EEF1AKMT2: variants seen among roughly 807,000 people sequenced by gnomAD.
The protein encoded by EEF1AKMT2 is eukaryotic translation elongation factor 1 alpha lysine methyltransferase 2.
In EEF1AKMT2, 32 loss-of-function variants were observed where a neutral mutation model predicts 35.8. That is an observed-to-expected ratio of 0.89 (90% CI 0.67 to 1.20). The LOEUF is 1.20. EEF1AKMT2 is among the 50% of genes most tolerant of loss of function. The pLI is 0.00. For synonymous variants in EEF1AKMT2, 121 were observed against 133.7 expected (o/e 0.91, Z 0.65); for missense variants, 330 against 347.5 (o/e 0.95, Z 0.40).
intron 3 of EEF1AKMT2, among the ~76,000 whole-genome samples, chr10:124,782,538 C>T (rs1157350990): frequency 2.1e-5 from 3 of 145,528 alleles, no homozygotes; most frequent in African/African-American, 7.7e-5. Context: ...GCCGAGATCG[C>T]GCCACTGCAC....
At chr10:124,786,135 T>C (rs1950582155) in intron 3 of EEF1AKMT2, among the ~76,000 whole-genome samples, 1 of 152,098 alleles carries the variant, frequency 6.6e-6, no homozygotes, top group Admixed American at 6.6e-5. Context: ...TCTTATTTTT[T>C]GGTCAGGTTG....
At chr10:124,790,075 C>A (rs1184767234) in intron 2 of EEF1AKMT2, among the ~76,000 whole-genome samples, 198 bp downstream of exon 2, 4 of 151,510 alleles carry the variant, frequency 2.6e-5, no homozygotes, top group Non-Finnish European at 5.9e-5. Flanking sequence ...GTCTAATTTT[C>A]GTAGAGACAG....
chr10:124,777,241 T>A (rs1950494957), intron 3 of EEF1AKMT2, among the ~76,000 whole-genome samples: 1 of 147,262 alleles, frequency 6.8e-6, no homozygotes, highest in African/African-American at 2.5e-5. Flanking sequence ...ATCGCGCCAT[T>A]GCACTCCAGC....
At chr10:124,776,493 G>C (rs1478764480) in intron 3 of EEF1AKMT2, among the ~76,000 whole-genome samples, 1 of 152,160 alleles carries the variant, frequency 6.6e-6, no homozygotes, top group Non-Finnish European at 1.5e-5. Flanking sequence ...AACCACAACA[G>C]AGAAACAAAC....
chr10:124,768,462 A>T (rs1032373977), intron 4 of EEF1AKMT2, among the ~76,000 whole-genome samples: 1 of 152,048 alleles, frequency 6.6e-6, no homozygotes, highest in Non-Finnish European at 1.5e-5. Flanking sequence ...TACAAAAATT[A>T]GGCCGGGCGC....
At chr10:124,785,329 A>G (rs1193216483) in intron 3 of EEF1AKMT2, among the ~76,000 whole-genome samples, 1 of 151,826 alleles carries the variant, frequency 6.6e-6, no homozygotes, top group Admixed American at 6.6e-5. Flanking sequence ...GTTCTAAGTG[A>G]CCCTGTGTTA....
At chr10:124,786,460 C>A (rs536842255) in intron 3 of EEF1AKMT2, among the ~76,000 whole-genome samples, 1 of 150,326 alleles carries the variant, frequency 6.7e-6, no homozygotes, top group Non-Finnish European at 1.5e-5. Flanking sequence ...GAGCCGAGAT[C>A]GCCCCACTGC....
chr10:124,783,228 C>G (rs1011186487), intron 3 of EEF1AKMT2, among the ~76,000 whole-genome samples: 2 of 150,102 alleles, frequency 1.3e-5, no homozygotes, highest in Non-Finnish European at 3.0e-5. Flanking sequence ...GCAACCTCCA[C>G]CTCCCAGGTT....
chr10:124,788,712 A>ATATATATATATATATATATATATATG lies in EEF1AKMT2; in HGVS notation c.291+330_291+331insCATATATATATATATATATATATATA, dbSNP rs1564911227. 4.5e-5 allele frequency among the ~76,000 whole-genome samples: 4 copies of ATATATATATATATATATATATATATG among 89,386 alleles called. No individual in the cohort carries two copies. In the South Asian group the frequency reaches 1.2e-3, roughly 27 times the overall value. The allele number at this position is 89,386 out of a possible 152,430, so 58.6% of individuals were successfully genotyped here. A position where few individuals can be genotyped will look rare whatever the true frequency, so the allele number is the denominator to read the frequency against. ...ACTGGAATTGCAAAAGGTCATCTTT[A>ATATATATATATATATATATATATATG]TATATATATATATATATGCATTTCT... On this transcript the variant is annotated intron_variant, in intron 3 of 6. Transcript: ENST00000368836.
At chr10:124,775,386 TGA>T (rs1426344674) in intron 3 of EEF1AKMT2, among the ~76,000 whole-genome samples, 1 of 152,174 alleles carries the variant, frequency 6.6e-6, no homozygotes, top group African/African-American at 2.4e-5. Context: ...TCAATGGACT[TGA>T]GAGTTTTGGT....
At chr10:124,775,461 G>C (rs1358831762) in intron 3 of EEF1AKMT2, among the ~76,000 whole-genome samples, 1 of 151,978 alleles carries the variant, frequency 6.6e-6, no homozygotes, top group Non-Finnish European at 1.5e-5. Context: ...GGAAGCTTCT[G>C]GTCTTTACAC....
intron 2 of EEF1AKMT2, among the ~76,000 whole-genome samples, chr10:124,789,708 T>G (rs1950617768): frequency 6.7e-6 from 1 of 149,148 alleles, no homozygotes; most frequent in African/African-American, 2.5e-5. Flanking sequence ...CGAGTTATGA[T>G]GATCATGCCA....
intron 3 of EEF1AKMT2, among the ~76,000 whole-genome samples, chr10:124,775,906 T>G (rs1468938796): frequency 6.6e-6 from 1 of 151,884 alleles, no homozygotes; most frequent in African/African-American, 2.4e-5. Context: ...TATTAACTGA[T>G]TCTTACCGGT....
intron 4 of EEF1AKMT2, among the ~76,000 whole-genome samples, chr10:124,774,151 A>G (rs1270070367): frequency 6.6e-6 from 1 of 152,164 alleles, no homozygotes; most frequent in Admixed American, 6.5e-5. Flanking sequence ...GCAGATCACG[A>G]GATCAGGAGA....
intron 1 of EEF1AKMT2, 123 bp downstream of exon 1, chr10:124,791,601 G>C: frequency 7.2e-7 from 1 of 1,398,128 alleles, no homozygotes; most frequent in Non-Finnish European, 9.7e-7. Flanking sequence ...AGGTGGCCCT[G>C]CTCCCGTCAC....
At chr10:124,786,947 A>G (rs1356052700) in intron 3 of EEF1AKMT2, among the ~76,000 whole-genome samples, 1 of 152,164 alleles carries the variant, frequency 6.6e-6, no homozygotes, top group Non-Finnish European at 1.5e-5. Context: ...TGAAACTGAT[A>G]TAATTGTACA....
chr10:124,791,823 C>A lies in EEF1AKMT2; in HGVS notation c.11G>T (p.Gly4Val), dbSNP rs754570356. Residue 4 changes from glycine to valine, a missense_variant, in exon 1 of 7, where the codon GGC becomes GTC. By Grantham distance (109) the Gly-to-Val change is moderately radical. Coordinates refer to ENST00000368836, the MANE Select transcript of EEF1AKMT2 (RefSeq NM_212554.4). MSS[G>V]ADGGGGAAVA... ...CGCAGCGCCACCGCCGCCGTCAGCGCCCGAGCTCATTTCGCTCCACGTCCT... is the reference window on the plus strand; with the variant it reads ...CGCAGCGCCACCGCCGCCGTCAGCGACCGAGCTCATTTCGCTCCACGTCCT... 135 of 1,581,054 alleles carry A rather than the reference C, an allele frequency of 8.5e-5. No homozygotes were observed. The highest frequency in any genetic ancestry group is 1.1e-4 in the Non-Finnish European group (123 of 1,169,612).
intron 3 of EEF1AKMT2, among the ~76,000 whole-genome samples, chr10:124,776,603 C>G (rs1343150176): frequency 2.0e-5 from 3 of 151,844 alleles, no homozygotes; most frequent in African/African-American, 7.3e-5. Flanking sequence ...GCCTGGCCAA[C>G]ACGGTGAAAC....
intron 2 of EEF1AKMT2, among the ~76,000 whole-genome samples, chr10:124,789,396 G>C (rs999593256): frequency 6.6e-6 from 1 of 152,204 alleles, no homozygotes; most frequent in Non-Finnish European, 1.5e-5. Flanking sequence ...ACAGTTGTAT[G>C]TGTTGGTGTC....
Sources: gnomAD v4.1 joint callset for allele counts (sites outside exome capture counted in the v4.1 genomes callset) on GRCh38, gnomAD v4.1.1 for gene constraint, MANE v1.5 for transcripts, NCBI Gene and HGNC (gene_info 2026-07-23, HGNC 2026-07-21) for gene names.